The following RAB38 variants were observed in gnomAD, a reference collection of about 807,000 sequenced individuals.
RAB38 encodes the protein ras-related protein Rab-38.
A neutral mutation model predicts 18.4 loss-of-function variants in RAB38; 15 were observed. The observed-to-expected ratio is 0.82, with a 90% CI of 0.55 to 1.26. The LOEUF (loss-of-function observed/expected upper bound fraction) is 1.26, where lower values mean the gene tolerates loss of function less well. RAB38 is among the 50% of genes most tolerant of loss of function. The probability of loss-of-function intolerance (pLI) is 0.00; values close to 1 mark genes in which losing one functional copy is unlikely to be tolerated. For missense variants in RAB38, 294 were observed against 267.4 expected (o/e 1.10, Z -0.69); for synonymous variants, 101 against 104.4 (o/e 0.97, Z 0.20).
the RAB38 span, among the ~76,000 whole-genome samples, chr11:88,073,019 C>T: frequency 7.9e-5 from 12 of 152,256 alleles, no homozygotes; most frequent in South Asian, 2.1e-4. Context: ...ATACCACTAC[C>T]TCCAATCTGC....
chr11:88,035,801 C>G, the RAB38 span, among the ~76,000 whole-genome samples: 4 of 152,084 alleles, frequency 2.6e-5, no homozygotes, highest in African/African-American at 9.7e-5. Flanking sequence ...TGCACTGAAG[C>G]AAATTGACAA....
the RAB38 span, among the ~76,000 whole-genome samples, chr11:87,894,498 G>A: frequency 6.6e-6 from 1 of 151,598 alleles, no homozygotes; most frequent in Admixed American, 6.6e-5. Flanking sequence ...GACACTAAAT[G>A]TGCTTCCTTT....
intron 2 of RAB38, among the ~76,000 whole-genome samples, chr11:88,148,695 TG>T (rs1943022788): frequency 6.6e-6 from 1 of 152,290 alleles, no homozygotes; most frequent in African/African-American, 2.4e-5. Context: ...ACGGAGCCCA[TG>T]GCTATCTTAT....
the RAB38 span, among the ~76,000 whole-genome samples, chr11:88,058,742 C>T: frequency 1.3e-5 from 2 of 152,132 alleles, no homozygotes; most frequent in Non-Finnish European, 1.5e-5. Context: ...AAACCTTATC[C>T]TCTGTTAGGC....
the RAB38 span, chr11:87,917,951 T>G: frequency 6.6e-6 from 1 of 152,050 alleles, no homozygotes; most frequent in South Asian, 2.1e-4. Flanking sequence ...CAATAGAAAT[T>G]ACACCATACT....
At chr11:87,955,694 C>G in the RAB38 span, among the ~76,000 whole-genome samples, 1 of 151,940 alleles carries the variant, frequency 6.6e-6, no homozygotes, top group Admixed American at 6.6e-5. Context: ...ATCTTTCTAT[C>G]ATCTGTCAAT....
chr11:88,105,659 C>T, the RAB38 span, among the ~76,000 whole-genome samples: 1 of 152,054 alleles, frequency 6.6e-6, no homozygotes. Context: ...TGGCCATTTC[C>T]TACAAGCCCC....
the RAB38 span, among the ~76,000 whole-genome samples, chr11:87,882,188 G>T: frequency 6.6e-6 from 1 of 151,782 alleles, no homozygotes; most frequent in African/African-American, 2.4e-5. Context: ...CCCAGATTTG[G>T]CCACATTAAT....
chr11:87,855,020 C>G, the RAB38 span, among the ~76,000 whole-genome samples: 2 of 152,090 alleles, frequency 1.3e-5, no homozygotes, highest in Admixed American at 6.6e-5. Context: ...TGGTCTCGAT[C>G]TCCTGACGTC....
the RAB38 span, among the ~76,000 whole-genome samples, chr11:88,067,040 G>C: frequency 2.6e-5 from 4 of 152,152 alleles, no homozygotes; most frequent in East Asian, 7.7e-4. Flanking sequence ...AATATTTCTT[G>C]GTATTTAATA....
chr11:88,005,448 T>C, the RAB38 span, among the ~76,000 whole-genome samples: 2 of 151,552 alleles, frequency 1.3e-5, no homozygotes, highest in East Asian at 1.9e-4. Flanking sequence ...AAATGAGCAA[T>C]GAGCTTCACT....
At chr11:88,034,543 A>G in the RAB38 span, among the ~76,000 whole-genome samples, 2 of 152,362 alleles carry the variant, frequency 1.3e-5, no homozygotes, top group Admixed American at 1.3e-4. Context: ...ATCCATTATG[A>G]CAGATATGTT....
At chr11:87,925,595 C>T in the RAB38 span, among the ~76,000 whole-genome samples, 12 of 152,062 alleles carry the variant, frequency 7.9e-5, no homozygotes, top group East Asian at 2.3e-3. Context: ...CTGATTATTT[C>T]AAATGGAAAT....
chr11:87,909,147 T>A, the RAB38 span, among the ~76,000 whole-genome samples: 1 of 152,148 alleles, frequency 6.6e-6, no homozygotes, highest in South Asian at 2.1e-4. Context: ...TGAATCATTT[T>A]CTTCTTTACC....
chr11:87,961,682 T>C, the RAB38 span, among the ~76,000 whole-genome samples: 1 of 152,226 alleles, frequency 6.6e-6, no homozygotes, highest in Admixed American at 6.5e-5. Flanking sequence ...ACTAAAGTCC[T>C]AGAAACCAAG....
chr11:88,078,688 A>G, the RAB38 span, among the ~76,000 whole-genome samples: 15 of 152,036 alleles, frequency 9.9e-5, no homozygotes, highest in East Asian at 2.9e-3. Flanking sequence ...TCCCATTAAG[A>G]TAGAGAGTAG....
chr11:88,021,718 G>A, the RAB38 span, among the ~76,000 whole-genome samples: 1 of 150,238 alleles, frequency 6.7e-6, no homozygotes, highest in Non-Finnish European at 1.5e-5. Context: ...AGCCTTTCAA[G>A]AGCTGAGACT....
chr11:87,839,029 A>G, the RAB38 span, among the ~76,000 whole-genome samples: 1 of 152,222 alleles, frequency 6.6e-6, no homozygotes, highest in East Asian at 1.9e-4. Context: ...ATGCTATGTT[A>G]CTTTAGTAAA....
chr11:87,813,185 A>T, the RAB38 span, among the ~76,000 whole-genome samples: 3 of 152,302 alleles, frequency 2.0e-5, no homozygotes, highest in East Asian at 5.8e-4. Context: ...TCTGATAAGA[A>T]CCACAGAAAT....
Sources: gnomAD v4.1 joint callset for allele counts (sites outside exome capture counted in the v4.1 genomes callset) on GRCh38, gnomAD v4.1.1 for gene constraint, MANE v1.5 for transcripts, NCBI Gene and HGNC (gene_info 2026-07-23, HGNC 2026-07-21) for gene names.